The following ESRRG variants were observed in gnomAD, a reference collection of about 807,000 sequenced individuals.
The protein encoded by ESRRG is estrogen-related receptor gamma.
A neutral mutation model predicts 44.0 loss-of-function variants in ESRRG; 13 were observed. That is an observed-to-expected ratio of 0.30 (90% CI 0.19 to 0.47). The LOEUF is 0.47. Among genes scored for constraint, ESRRG ranks in the 20% least tolerant of loss-of-function variants. The probability of loss-of-function intolerance (pLI) is 1.00; values close to 1 mark genes in which losing one functional copy is unlikely to be tolerated. For synonymous variants in ESRRG, 215 were observed against 214.6 expected (o/e 1.00, Z -0.02); for missense variants, 395 against 580.6 (o/e 0.68, Z 3.29).
intron 2 of ESRRG, among the ~76,000 whole-genome samples, chr1:216,904,204 A>C (rs1479783030): frequency 1.3e-5 from 2 of 150,384 alleles, no homozygotes; most frequent in South Asian, 2.1e-4. Context: ...TGCAATCATC[A>C]CCCCCCCCAA....
chr1:216,728,735 A>G (rs771794466), intron 2 of ESRRG, among the ~76,000 whole-genome samples: 3 of 152,122 alleles, frequency 2.0e-5, no homozygotes, highest in Non-Finnish European at 2.9e-5. Flanking sequence ...ATACAAATTT[A>G]AAAGCTCCCT....
At chr1:216,528,771 G>A (rs1042206148) in intron 5 of ESRRG, among the ~76,000 whole-genome samples, 2 of 152,050 alleles carry the variant, frequency 1.3e-5, no homozygotes, top group African/African-American at 2.4e-5. Flanking sequence ...ATTATGGGCT[G>A]CTTCACTCTG....
intron 1 of ESRRG, among the ~76,000 whole-genome samples, chr1:217,028,397 T>C (rs1259198209): frequency 6.6e-6 from 1 of 152,184 alleles, no homozygotes; most frequent in Non-Finnish European, 1.5e-5. Flanking sequence ...CAAAGAATTG[T>C]GGCTGGTAAA....
Position 217,044,030 on chromosome 1 carries a change from A to G in ESRRG, c.-106+45477T>C, listed in dbSNP as rs148845069. On this transcript the variant is annotated intron_variant, in intron 1 of 7. Coordinates refer to the ESRRG transcript ENST00000359162. ...CAAAGGCAAATAAAAATAGAAAAAA[A>G]AAGTGTGGATCATTTTACTATTGTA... Among the ~76,000 whole-genome samples the G allele has an allele frequency of 2.8e-4, 43 of 152,328 alleles. No individual in the cohort carries two copies. In the East Asian group the frequency reaches 7.7e-3, roughly 27 times the overall value.
intron 3 of ESRRG, among the ~76,000 whole-genome samples, chr1:216,588,501 T>C (rs947162314): frequency 2.6e-5 from 4 of 152,222 alleles, no homozygotes; most frequent in Admixed American, 1.3e-4. Context: ...ATACTAGTCA[T>C]CAGCATTTCA....
At chr1:217,117,625 A>G (rs973584602) in intron 1 of ESRRG, among the ~76,000 whole-genome samples, 1 of 152,106 alleles carries the variant, frequency 6.6e-6, no homozygotes, top group Non-Finnish European at 1.5e-5. Context: ...ATTAATTTAA[A>G]AATTAGATGA....
intron 2 of ESRRG, among the ~76,000 whole-genome samples, chr1:216,845,450 T>C (rs2095728768): frequency 6.6e-6 from 1 of 152,144 alleles, no homozygotes; most frequent in African/African-American, 2.4e-5. Flanking sequence ...TCATGGTAGT[T>C]ATCATCGGCT....
rs150723048 is a variant in ESRRG at position 216,666,449 on chromosome 1, C to T, written c.472+10627G>A. The stretch of plus-strand genomic sequence containing the variant: ...TTTTGCTCTCAAGCATTTAACATGC[C>T]GTTCAGTAGACTGAGGCTATTCTAG... On this transcript the variant is annotated intron_variant, in intron 2 of 6. Transcript: ENST00000408911. Among the ~76,000 whole-genome samples the T allele has an allele frequency of 7.9e-3, 1,201 of 152,238 alleles. 3 individuals are homozygous for T. Among genetic ancestry groups the T allele is most frequent in the Non-Finnish European group, 0.014 (971 of 67,998 alleles).
At chr1:216,963,472 C>T (rs141108708) in intron 1 of ESRRG, among the ~76,000 whole-genome samples, 394 of 152,188 alleles carry the variant, frequency 2.6e-3, no homozygotes, top group Middle Eastern at 0.014. Flanking sequence ...CAGGCTTAAA[C>T]CATGTTTCCT....
At chr1:216,823,825 C>T (rs916933192) in intron 2 of ESRRG, among the ~76,000 whole-genome samples, 3 of 152,050 alleles carry the variant, frequency 2.0e-5, no homozygotes, top group African/African-American at 7.2e-5. Context: ...TGGCTCCTGG[C>T]CTATGATTTT....
At chr1:216,515,035 G>T (rs1266187377) in intron 6 of ESRRG, among the ~76,000 whole-genome samples, 1 of 150,916 alleles carries the variant, frequency 6.6e-6, no homozygotes, top group Non-Finnish European at 1.5e-5. Flanking sequence ...AACCAAACTG[G>T]CCACCTTTAC....
chr1:216,998,661 A>T (rs569099959), intron 1 of ESRRG, among the ~76,000 whole-genome samples: 1 of 152,382 alleles, frequency 6.6e-6, no homozygotes, highest in Non-Finnish European at 1.5e-5. Context: ...CAATGTGCAT[A>T]TATGAGGATA....
At chr1:216,626,578 C>T (rs1297808009) in intron 3 of ESRRG, among the ~76,000 whole-genome samples, 2 of 152,212 alleles carry the variant, frequency 1.3e-5, no homozygotes, top group Non-Finnish European at 2.9e-5. Context: ...TGCCCTGGGG[C>T]AGTGAAATGC....
At chr1:216,572,299 T>C (rs1181900922) in intron 3 of ESRRG, among the ~76,000 whole-genome samples, 1 of 152,004 alleles carries the variant, frequency 6.6e-6, no homozygotes, top group Non-Finnish European at 1.5e-5. Flanking sequence ...AAACCAGATT[T>C]TTCCCCCCAG....
chr1:216,742,416 G>A (rs1559479845), intron 2 of ESRRG, among the ~76,000 whole-genome samples: 2 of 152,032 alleles, frequency 1.3e-5, no homozygotes, highest in African/African-American at 4.8e-5. Context: ...AGAGAATAAT[G>A]GAATCATGTT....
intron 3 of ESRRG, among the ~76,000 whole-genome samples, chr1:216,606,041 A>T (rs547097529): frequency 6.6e-6 from 1 of 152,322 alleles, no homozygotes; most frequent in Admixed American, 6.5e-5. Context: ...TCAAAAACAA[A>T]ATCACATCAC....
At chr1:217,030,344 GACC>G (rs532228981) in intron 1 of ESRRG, among the ~76,000 whole-genome samples, 1 of 152,098 alleles carries the variant, frequency 6.6e-6, no homozygotes, top group Non-Finnish European at 1.5e-5. Context: ...GGGATAAACA[GACC>G]ACCATTACCC....
intron 1 of ESRRG, among the ~76,000 whole-genome samples, chr1:217,021,464 G>A (rs563123010): frequency 2.6e-4 from 39 of 152,336 alleles, no homozygotes; most frequent in African/African-American, 9.4e-4. Context: ...CCTGCACTAA[G>A]AAGCAGCTGA....
intron 1 of ESRRG, among the ~76,000 whole-genome samples, chr1:216,685,723 C>A (rs1575285957): frequency 2.0e-5 from 3 of 152,262 alleles, no homozygotes; most frequent in Admixed American, 2.0e-4. Flanking sequence ...CTATTCTCTG[C>A]TATACTGAAA....
Sources: allele counts gnomAD v4.1 joint callset (sites outside exome capture counted in the v4.1 genomes callset), GRCh38; gene constraint gnomAD v4.1.1; transcripts MANE v1.5; gene names NCBI Gene and HGNC (gene_info 2026-07-23, HGNC 2026-07-21).